The following MBNL2 variants were observed in gnomAD, a reference collection of about 807,000 sequenced individuals.
MBNL2 encodes the protein muscleblind-like protein 2.
Under a neutral mutation model 41.9 loss-of-function variants are expected in MBNL2, and 17 were observed. That is an observed-to-expected ratio of 0.41 (90% CI 0.28 to 0.61). The LOEUF (loss-of-function observed/expected upper bound fraction) is 0.61. Ranked by LOEUF, MBNL2 falls within the 20% of genes least tolerant of loss-of-function variation. MBNL2 has a pLI of 0.35. For synonymous variants in MBNL2, 195 were observed against 182.9 expected, an observed-to-expected ratio of 1.07 and a Z score of -0.53; for missense variants, 336 against 505.6, an observed-to-expected ratio of 0.66 and a Z score of 3.22.
intron 2 of MBNL2, among the ~76,000 whole-genome samples, chr13:97,329,776 AG>A (rs58444778): frequency 1 from 126,162 of 126,222 alleles, 63,052 homozygotes; most frequent in Middle Eastern, 1. Context: ...CACACACAAC[AG>A]GAAACACACA....
upstream of MBNL2, among the ~76,000 whole-genome samples, chr13:97,218,430 C>CA (rs746110575): frequency 1.2e-4 from 8 of 69,054 alleles, no homozygotes; most frequent in African/African-American, 6.9e-4. Context: ...AAAAACAAAA[C>CA]AAAACAAAAC....
At chr13:97,189,947 C>G in the MBNL2 span, among the ~76,000 whole-genome samples, 1 of 152,226 alleles carries the variant, frequency 6.6e-6, no homozygotes, top group East Asian at 1.9e-4. Context: ...CTGATTACAA[C>G]GACGAGGGAG....
the MBNL2 span, among the ~76,000 whole-genome samples, chr13:97,186,965 C>G: frequency 1.3e-5 from 2 of 152,160 alleles, no homozygotes; most frequent in African/African-American, 4.8e-5. Flanking sequence ...CACTCAATGA[C>G]TTTGTTTTGT....
chr13:97,345,698 T>TA (rs1176601208), intron 4 of MBNL2, among the ~76,000 whole-genome samples: 12 of 152,158 alleles, frequency 7.9e-5, no homozygotes, highest in Non-Finnish European at 1.6e-4. Context: ...ATGATTATGT[T>TA]ATCTTTGTAG....
chr13:97,336,505 C>T (rs772314178), intron 3 of MBNL2, among the ~76,000 whole-genome samples: 6 of 151,958 alleles, frequency 3.9e-5, no homozygotes, highest in Non-Finnish European at 7.4e-5. Context: ...AAGAGACGCT[C>T]ATATAAGAGA....
intron 2 of MBNL2, among the ~76,000 whole-genome samples, chr13:97,321,587 A>G (rs530044487): frequency 6.2e-4 from 95 of 152,356 alleles, no homozygotes; most frequent in Middle Eastern, 6.8e-3. Flanking sequence ...AGGGAAGAGC[A>G]GTATTTAGCC....
At chr13:97,245,448 A>G (rs2045270397) in intron 1 of MBNL2, among the ~76,000 whole-genome samples, 1 of 152,098 alleles carries the variant, frequency 6.6e-6, no homozygotes, top group African/African-American at 2.4e-5. Context: ...CACAAAAGTC[A>G]TCCCCCGTCT....
At position 97,299,065 on chromosome 13, in the gene MBNL2, A is replaced by G. The variant is rs116499479; in HGVS notation, c.174+22656A>G. Among the ~76,000 whole-genome samples the G allele has an allele frequency of 5.2e-3, 794 of 152,306 alleles. 3 individuals carry two copies. Among genetic ancestry groups the G allele is most frequent in the African/African-American group, 0.018 (731 of 41,576 alleles). Reference sequence around the variant, plus strand: ...GAAAGAAAGCAATGGGATGTTAGGAATTGCAGGATTAGGACTGAAAATTAT... The same window carrying G: ...GAAAGAAAGCAATGGGATGTTAGGAGTTGCAGGATTAGGACTGAAAATTAT... On this transcript the variant is annotated intron_variant, in intron 2 of 8. Transcript: ENST00000679496.
chr13:97,241,691 C>T (rs1187396003), intron 1 of MBNL2, among the ~76,000 whole-genome samples: 4 of 152,166 alleles, frequency 2.6e-5, no homozygotes, highest in African/African-American at 4.8e-5. Flanking sequence ...ATTGCACACA[C>T]GCACGTGTGC....
intron 3 of MBNL2, among the ~76,000 whole-genome samples, chr13:97,335,354 G>C (rs924332048): frequency 3.2e-4 from 49 of 151,920 alleles, no homozygotes; most frequent in African/African-American, 1.1e-3. Context: ...TGCACAAAAG[G>C]CTTTTGTATA....
chr13:97,176,759 C>A, the MBNL2 span, among the ~76,000 whole-genome samples: 1 of 152,096 alleles, frequency 6.6e-6, no homozygotes, highest in African/African-American at 2.4e-5. Flanking sequence ...TAGCCTTTTC[C>A]TACCTCCCAG....
At chr13:97,151,810 C>T in the MBNL2 span, among the ~76,000 whole-genome samples, 269 of 152,258 alleles carry the variant, frequency 1.8e-3, no homozygotes, top group Non-Finnish European at 3.0e-3. Context: ...CAAGATTTTT[C>T]CCTGAAGAAC....
chr13:97,163,781 C>T, the MBNL2 span, among the ~76,000 whole-genome samples: 1 of 152,068 alleles, frequency 6.6e-6, no homozygotes, highest in Admixed American at 6.5e-5. Context: ...GCCCTTAATC[C>T]ACTGTGATGG....
the MBNL2 span, among the ~76,000 whole-genome samples, chr13:97,157,747 A>T: frequency 1.3e-5 from 2 of 148,518 alleles, no homozygotes; most frequent in Non-Finnish European, 3.0e-5. Flanking sequence ...GATGAAGCCC[A>T]CTTGATCATG....
chr13:97,323,058 C>G (rs779285938), intron 2 of MBNL2, among the ~76,000 whole-genome samples: 33 of 152,150 alleles, frequency 2.2e-4, no homozygotes, highest in Non-Finnish European at 3.8e-4. Context: ...GGGACAGTGT[C>G]TGTTTTCTAC....
the MBNL2 span, among the ~76,000 whole-genome samples, chr13:97,168,641 G>A: frequency 6.6e-5 from 10 of 152,192 alleles, no homozygotes; most frequent in South Asian, 1.0e-3. Context: ...TGCCCGGCAC[G>A]CAATAGGCAC....
chr13:97,338,607 A>G lies in MBNL2; in HGVS notation c.339+4167A>G, dbSNP rs546486059. Among the ~76,000 whole-genome samples, 4 of 152,196 alleles carry G rather than the reference A, an allele frequency of 2.6e-5. No homozygotes were observed. The South Asian group carries it at 8.3e-4, about 32-fold the overall frequency. On this transcript the variant is annotated intron_variant, in intron 3 of 8. Coordinates refer to ENST00000679496, the MANE Select transcript of MBNL2 (RefSeq NM_001382683.1). ...GCAGCTTTTCTCTCCCCAATTCCTG[A>G]TAGAATAGGACAGGAATTCTTCCCT...
Position 97,347,043 on chromosome 13 carries a change from AGCCGCG to A in MBNL2, c.790_795del (p.Ala264_Ala265del), listed in dbSNP as rs755548360. 49 of 1,607,930 alleles carry A rather than the reference AGCCGCG, an allele frequency of 3.0e-5. No homozygotes were observed. The highest frequency in any genetic ancestry group is 4.0e-5 in the Non-Finnish European group (47 of 1,177,576). Reference sequence around the variant, plus strand: ...ACCAAGCTGCGGTGGCCGCCCAGGCAGCCGCGGCCGCGGCCACAGTCATGGTAAGTG... The same window carrying A: ...ACCAAGCTGCGGTGGCCGCCCAGGCAGCCGCGGCCACAGTCATGGTAAGTG... On this transcript the variant is annotated inframe_deletion, in exon 5 of 9. Coordinates refer to ENST00000679496, the MANE Select transcript of MBNL2 (RefSeq NM_001382683.1).
chr13:97,159,284 G>A, the MBNL2 span, among the ~76,000 whole-genome samples: 4 of 151,694 alleles, frequency 2.6e-5, no homozygotes, highest in East Asian at 3.9e-4. Context: ...TTGAGCCTAT[G>A]TGTGTCTCTG....
Sources: gnomAD v4.1 joint callset for allele counts (sites outside exome capture counted in the v4.1 genomes callset) on GRCh38, gnomAD v4.1.1 for gene constraint, MANE v1.5 for transcripts, NCBI Gene and HGNC (gene_info 2026-07-23, HGNC 2026-07-21) for gene names.